Variants in RERE observed in about 807,000 individuals in gnomAD.
The protein encoded by RERE is arginine-glutamic acid dipeptide repeats protein.
A neutral mutation model predicts 146.1 loss-of-function variants in RERE; 40 were observed. The ratio of observed to expected loss-of-function variants is 0.27; its 90% CI spans 0.21 to 0.36. The LOEUF (loss-of-function observed/expected upper bound fraction) is 0.36, where lower values mean the gene tolerates loss of function less well. Among genes scored for constraint, RERE ranks in the 10% least tolerant of loss-of-function variants. The pLI is 1.00. For missense variants in RERE, 1,933 were observed against 2,138.7 expected, an observed-to-expected ratio of 0.90 and a Z score of 1.90; for synonymous variants, 1,003 against 866.0, an observed-to-expected ratio of 1.16 and a Z score of -2.78.
At chr1:8,526,026 C>A (rs1275164651) in intron 7 of RERE, 1 of 1,257,986 alleles carries the variant, frequency 7.9e-7, no homozygotes, top group South Asian at 2.7e-5. Flanking sequence ...TGTCTCTCCA[C>A]GACGCAATCA....
chr1:8,738,073 C>T (rs757594294), intron 1 of RERE, among the ~76,000 whole-genome samples: 36 of 152,090 alleles, frequency 2.4e-4, no homozygotes, highest in African/African-American at 8.2e-4. Context: ...ACCATGACCC[C>T]GCTGTGGGAC....
At chr1:8,768,958 C>T (rs1422830466) in intron 1 of RERE, among the ~76,000 whole-genome samples, 4 of 152,244 alleles carry the variant, frequency 2.6e-5, no homozygotes, top group Non-Finnish European at 4.4e-5. Context: ...GGTCGGCAAA[C>T]GGTGGCCCAC....
At chr1:8,545,801 A>G (rs1240017450) in intron 6 of RERE, among the ~76,000 whole-genome samples, 1 of 148,664 alleles carries the variant, frequency 6.7e-6, no homozygotes, top group Non-Finnish European at 1.5e-5. Context: ...CTCCTGCTTC[A>G]GCCTCCCGAG....
intron 12 of RERE, among the ~76,000 whole-genome samples, chr1:8,402,948 G>C (rs1422071919): frequency 6.6e-6 from 1 of 152,082 alleles, no homozygotes; most frequent in Non-Finnish European, 1.5e-5. Flanking sequence ...TCCCAGGCTG[G>C]AGTGCAGTGG....
intron 2 of RERE, among the ~76,000 whole-genome samples, chr1:8,644,878 T>C (rs998915364): frequency 6.6e-6 from 1 of 152,228 alleles, no homozygotes; most frequent in Non-Finnish European, 1.5e-5. Flanking sequence ...AAAGTAATTA[T>C]ATCACTTGCA....
At chr1:8,379,761 A>G (rs1328774850) in intron 12 of RERE, among the ~76,000 whole-genome samples, 1 of 152,152 alleles carries the variant, frequency 6.6e-6, no homozygotes, top group African/African-American at 2.4e-5. Flanking sequence ...CTCCAAAGGG[A>G]ATTTGCAAAG....
At position 8,423,463 on chromosome 1, in the gene RERE, CG is replaced by C. The variant is rs974210219; in HGVS notation, c.1204-657del. ...CCCCCATCCATTTTCGCAGCAGACT[CG>C]TCCCTAACCCCAGCCCGGAGACTTT... On this transcript the variant is annotated intron_variant, in intron 11 of 22. Coordinates refer to ENST00000400908, the MANE Select transcript of RERE (RefSeq NM_001042681.2). This position sits in a 1 kb window ranked among gnomAD's most constrained non-coding sequence, Gnocchi z 5.4. 3 of 862,448 alleles carry C rather than the reference CG, an allele frequency of 3.5e-6. No individual in the cohort carries two copies. In the African/African-American group the frequency reaches 5.5e-5, roughly 16 times the overall value. The allele number at this position is 862,448 out of a possible 1,614,324, so 53.4% of individuals were successfully genotyped here.
At chr1:8,653,308 T>C (rs1647724684) in intron 2 of RERE, among the ~76,000 whole-genome samples, 1 of 152,228 alleles carries the variant, frequency 6.6e-6, no homozygotes, top group African/African-American at 2.4e-5. Flanking sequence ...AGCTTGCCTT[T>C]TGACAGTGAT....
chr1:8,735,425 T>C (rs745995184), intron 1 of RERE, among the ~76,000 whole-genome samples: 1 of 152,236 alleles, frequency 6.6e-6, no homozygotes, highest in African/African-American at 2.4e-5. Flanking sequence ...CACACATATA[T>C]GTACATCTCT....
At chr1:8,656,956 A>G (rs1638329922) in intron 1 of RERE, among the ~76,000 whole-genome samples, 1 of 152,120 alleles carries the variant, frequency 6.6e-6, no homozygotes, top group Non-Finnish European at 1.5e-5. Context: ...TCCAACATAA[A>G]ATAAAATATT....
At position 8,568,685 on chromosome 1, in the gene RERE, A is replaced by G. The variant is rs569249375; in HGVS notation, c.523-11162T>C. The stretch of plus-strand genomic sequence containing the variant: ...GCAGCCCCTTGACCTGGGACTTCAC[A>G]GCCTCCAGAACTATAATAAATTTAT... On this transcript the variant is annotated intron_variant, in intron 4 of 22. Coordinates refer to ENST00000400908, the MANE Select transcript of RERE (RefSeq NM_001042681.2). 7.2e-5 allele frequency among the ~76,000 whole-genome samples: 11 copies of G among 152,284 alleles called. No individual in the cohort carries two copies. In the South Asian group the frequency reaches 2.3e-3, roughly 32 times the overall value.
At chr1:8,756,112 T>C (rs892053842) in intron 1 of RERE, among the ~76,000 whole-genome samples, 5 of 152,088 alleles carry the variant, frequency 3.3e-5, no homozygotes, top group Non-Finnish European at 5.9e-5. Flanking sequence ...TTGGGCAACA[T>C]AGCGAGACCC....
intron 12 of RERE, among the ~76,000 whole-genome samples, chr1:8,377,666 C>T (rs1248987308): frequency 6.6e-6 from 1 of 152,046 alleles, no homozygotes; most frequent in Admixed American, 6.6e-5. Context: ...TATTTATTGG[C>T]CTTTCATTAT....
At chr1:8,788,211 AAAAT>A (rs1294437663) in intron 1 of RERE, among the ~76,000 whole-genome samples, 6 of 152,222 alleles carry the variant, frequency 3.9e-5, no homozygotes, top group African/African-American at 1.4e-4. Flanking sequence ...CAATAATAGG[AAAAT>A]ACTTAAGGAA....
chr1:8,461,536 A>G (rs539004685), intron 11 of RERE, among the ~76,000 whole-genome samples: 50 of 152,326 alleles, frequency 3.3e-4, no homozygotes, highest in South Asian at 8.3e-4. Flanking sequence ...AATTTGCAGT[A>G]TCCGGTACAG....
chr1:8,527,375 A>G (rs1460289335), intron 7 of RERE, among the ~76,000 whole-genome samples: 2 of 152,242 alleles, frequency 1.3e-5, no homozygotes, highest in Non-Finnish European at 2.9e-5. Context: ...CAATGGAATT[A>G]GAACCTAGCA....
At chr1:8,618,464 C>G (rs753356521) in intron 3 of RERE, among the ~76,000 whole-genome samples, 1 of 152,154 alleles carries the variant, frequency 6.6e-6, no homozygotes, top group East Asian at 1.9e-4. Flanking sequence ...ATAACAGATC[C>G]TAAATTCTGA....
intron 7 of RERE, among the ~76,000 whole-genome samples, chr1:8,531,442 C>T (rs1489011054): frequency 7.0e-6 from 1 of 143,784 alleles, no homozygotes; most frequent in African/African-American, 2.6e-5. Flanking sequence ...GACTCCACCT[C>T]AACAAAAAAA....
chr1:8,447,721 T>C (rs181981184), intron 11 of RERE, among the ~76,000 whole-genome samples: 1 of 152,190 alleles, frequency 6.6e-6, no homozygotes, highest in African/African-American at 2.4e-5. Context: ...TCGTTTCAGC[T>C]CCAGTGGAGG....
Sources: allele counts gnomAD v4.1 joint callset (sites outside exome capture counted in the v4.1 genomes callset), GRCh38; gene constraint gnomAD v4.1.1; non-coding constraint Gnocchi (gnomAD v3.1); transcripts MANE v1.5; gene names NCBI Gene and HGNC (gene_info 2026-07-23, HGNC 2026-07-21).